Variants in SETBP1 observed in about 807,000 individuals in gnomAD.
SETBP1 encodes SET binding protein 1.
SETBP1 carries 9 observed loss-of-function variants against 101.0 expected under a neutral mutation model. The ratio of observed to expected loss-of-function variants is 0.09; its 90% confidence interval spans 0.05 to 0.16. The LOEUF is 0.16. SETBP1 is among the 10% of genes least tolerant of loss of function. The pLI is 1.00. For missense variants in SETBP1, 1,858 were observed against 2,033.8 expected (o/e 0.91, Z 1.66); for synonymous variants, 818 against 788.5 (o/e 1.04, Z -0.63).
At chr18:44,921,279 A>G (rs2070574113) in intron 3 of SETBP1, among the ~76,000 whole-genome samples, 1 of 152,210 alleles carries the variant, frequency 6.6e-6, no homozygotes, top group African/African-American at 2.4e-5. Context: ...AGACTATTTG[A>G]AGCATAAGGT....
At chr18:45,007,048 C>T (rs916559528) in intron 4 of SETBP1, among the ~76,000 whole-genome samples, 20 of 152,196 alleles carry the variant, frequency 1.3e-4, no homozygotes, top group Admixed American at 1.0e-3. Flanking sequence ...ATATGCCCCA[C>T]TTCCCCCAGT....
chr18:44,852,244 G>A (rs1017063157), intron 2 of SETBP1, among the ~76,000 whole-genome samples: 2 of 152,184 alleles, frequency 1.3e-5, no homozygotes, highest in African/African-American at 4.8e-5. Context: ...GCAGTGATCA[G>A]AGACACAGAG....
At chr18:44,834,504 T>A (rs2072451744) in intron 2 of SETBP1, among the ~76,000 whole-genome samples, 1 of 152,020 alleles carries the variant, frequency 6.6e-6, no homozygotes, top group Non-Finnish European at 1.5e-5. Flanking sequence ...TATATGTGGA[T>A]GGGTAGAAGG....
intron 4 of SETBP1, among the ~76,000 whole-genome samples, chr18:44,980,534 C>T (rs1336575048): frequency 6.6e-6 from 1 of 152,030 alleles, no homozygotes; most frequent in African/African-American, 2.4e-5. Context: ...TATAATACAA[C>T]CAAGTTCAGT....
chr18:44,695,771 G>A (rs895048170), intron 1 of SETBP1, among the ~76,000 whole-genome samples: 15 of 152,128 alleles, frequency 9.9e-5, no homozygotes, highest in African/African-American at 3.6e-4. Flanking sequence ...TTTGTAATAA[G>A]GAGCATGGAG....
chr18:45,048,739 G>A (rs1375330352), intron 5 of SETBP1, among the ~76,000 whole-genome samples: 3 of 151,638 alleles, frequency 2.0e-5, no homozygotes, highest in African/African-American at 7.3e-5. Context: ...TTGGGAGGCC[G>A]AGGCGGGTGG....
intron 2 of SETBP1, among the ~76,000 whole-genome samples, chr18:44,734,897 T>A (rs186990461): frequency 5.4e-4 from 82 of 152,346 alleles, no homozygotes; most frequent in African/African-American, 1.9e-3. Flanking sequence ...CCACAGCATA[T>A]CACATAGGAA....
rs376116409 is a variant in SETBP1 at position 44,931,960 on chromosome 18, G to T, written c.541-17921G>T. ...TTACATTTAAGGTTAATATTGTTAT[G>T]TGTGAATTTGATCCCGTCATTATGA... On this transcript the variant is annotated intron_variant, in intron 3 of 5. Transcript: ENST00000649279. Among the ~76,000 whole-genome samples the T allele has an allele frequency of 6.0e-4, 91 of 152,268 alleles. 2 individuals are homozygous for T. In the South Asian group the frequency reaches 0.012, roughly 21 times the overall value.
intron 5 of SETBP1, among the ~76,000 whole-genome samples, chr18:45,039,701 A>G (rs1428647377): frequency 6.6e-6 from 1 of 152,250 alleles, no homozygotes; most frequent in East Asian, 1.9e-4. Flanking sequence ...AAGCCCTGTT[A>G]GAAACCCAAG....
intron 4 of SETBP1, among the ~76,000 whole-genome samples, chr18:44,999,889 T>A (rs1445910556): frequency 6.6e-6 from 1 of 152,262 alleles, no homozygotes. Context: ...AGAGAGCTCG[T>A]GACTGATCAT....
intron 2 of SETBP1, among the ~76,000 whole-genome samples, chr18:44,721,422 T>C (rs1223211950): frequency 2.0e-5 from 3 of 152,176 alleles, no homozygotes; most frequent in Non-Finnish European, 4.4e-5. Flanking sequence ...ATGAGGCCAG[T>C]TGTAACCCAT....
chr18:44,958,902 C>A (rs1392625259), intron 4 of SETBP1, among the ~76,000 whole-genome samples: 1 of 151,946 alleles, frequency 6.6e-6, no homozygotes, highest in East Asian at 1.9e-4. Flanking sequence ...TTTATTGAGC[C>A]TCCCAAGTTT....
chr18:44,901,121 G>A (rs1212883352), intron 3 of SETBP1, among the ~76,000 whole-genome samples: 1 of 152,096 alleles, frequency 6.6e-6, no homozygotes, highest in Non-Finnish European at 1.5e-5. Context: ...TCCTCACTTG[G>A]GCTAATATTG....
intron 2 of SETBP1, among the ~76,000 whole-genome samples, chr18:44,784,736 G>A (rs1452390581): frequency 6.6e-6 from 1 of 152,186 alleles, no homozygotes; most frequent in Non-Finnish European, 1.5e-5. Context: ...AGTGCATGTT[G>A]ACCGAAATAA....
At chr18:44,849,685 AG>A (rs2072806241) in intron 2 of SETBP1, among the ~76,000 whole-genome samples, 2 of 151,994 alleles carry the variant, frequency 1.3e-5, no homozygotes, top group African/African-American at 4.8e-5. Context: ...AGAGAGAGAG[AG>A]AGAGAGAGGA....
At chr18:44,706,431 CA>C (rs1407370179) in intron 2 of SETBP1, among the ~76,000 whole-genome samples, 1 of 151,068 alleles carries the variant, frequency 6.6e-6, no homozygotes, top group African/African-American at 2.4e-5. Flanking sequence ...ACTAAAAATA[CA>C]AAAATTAGCC....
At chr18:44,698,978 G>A (rs139494494) in intron 1 of SETBP1, among the ~76,000 whole-genome samples, 47 of 151,978 alleles carry the variant, frequency 3.1e-4, no homozygotes, top group African/African-American at 1.1e-3. Context: ...TTTTTTTAAT[G>A]GAAGATATTT....
intron 5 of SETBP1, among the ~76,000 whole-genome samples, chr18:45,051,899 G>A (rs1034564012): frequency 2.0e-5 from 3 of 152,184 alleles, no homozygotes; most frequent in Non-Finnish European, 4.4e-5. Flanking sequence ...ACGGAGTAGG[G>A]AACAGCTGAA....
chr18:44,990,618 CAAA>C (rs1290180927), intron 4 of SETBP1, among the ~76,000 whole-genome samples: 2 of 141,190 alleles, frequency 1.4e-5, no homozygotes, highest in East Asian at 4.6e-4. Flanking sequence ...AACAAACAAA[CAAA>C]AAACAAACAA....
Sources: gnomAD v4.1 joint callset for allele counts (sites outside exome capture counted in the v4.1 genomes callset) on GRCh38, gnomAD v4.1.1 for gene constraint, MANE v1.5 for transcripts, NCBI Gene and HGNC (gene_info 2026-07-23, HGNC 2026-07-21) for gene names.